The following GRK2 variants were observed in gnomAD, a reference collection of about 807,000 sequenced individuals.
The protein encoded by GRK2 is adrenergic beta receptor kinase 1.
GRK2 carries 23 observed loss-of-function variants against 97.8 expected under a neutral mutation model. The ratio of observed to expected loss-of-function variants is 0.24; its 90% CI spans 0.17 to 0.33. GRK2 has a LOEUF of 0.33. Ranked by LOEUF, GRK2 falls within the 10% of genes least tolerant of loss-of-function variation. The pLI, the probability that GRK2 is intolerant of heterozygous loss-of-function variation, is 1.00. For synonymous variants in GRK2, 425 were observed against 381.7 expected, an observed-to-expected ratio of 1.11 and a Z score of -1.32; for missense variants, 633 against 956.9, an observed-to-expected ratio of 0.66 and a Z score of 4.47.
rs1158177941 is a variant in GRK2, at chr11:67,269,832, A to G, written c.113+3020A>G. On this transcript the variant is annotated intron_variant, in intron 1 of 20. Coordinates refer to ENST00000308595, the MANE Select transcript of GRK2 (RefSeq NM_001619.5). This position sits in a 1 kb window ranked among gnomAD's most constrained non-coding sequence, Gnocchi z 4.1. Reference sequence around the variant, plus strand: ...GTCTTGGCCAAGAACTGGGGCTGGCATCACAGCTCTGAGTTCCAAAGGCTA... The same window carrying G: ...GTCTTGGCCAAGAACTGGGGCTGGCGTCACAGCTCTGAGTTCCAAAGGCTA... 2.0e-5 allele frequency among the ~76,000 whole-genome samples: 3 copies of G among 152,242 alleles called. No homozygotes were observed. Among genetic ancestry groups the G allele is most frequent in the Non-Finnish European group, 4.4e-5 (3 of 68,042 alleles).
Position 67,281,513 on chromosome 11 carries a change from C to A in GRK2, c.702C>A (p.Thr234=), listed in dbSNP as rs1860150577. The A allele has an allele frequency of 6.2e-7, 1 of 1,613,580 alleles. No homozygotes were observed. Among genetic ancestry groups the A allele is most frequent in the Non-Finnish European group, 8.5e-7 (1 of 1,179,968 alleles). The stretch of plus-strand genomic sequence containing the variant: ...GCATCAAGATGAAGCAGGGGGAGAC[C>A]CTGGCCCTGAACGAGCGCATCATGC... ...KKRIKMKQGE[T]LALNERIMLS... The change falls in exon 9 of 21, where the codon ACC becomes ACA. Residue 234 remains threonine, a synonymous_variant. Transcript: ENST00000308595. The surrounding 1 kb of genome is among the most constrained non-coding windows in gnomAD (Gnocchi z 5.7).
chr11:67,277,391 T>G (rs757736558), intron 2 of GRK2, 43 bp downstream of exon 2: 6 of 1,574,744 alleles, frequency 3.8e-6, no homozygotes, highest in Non-Finnish European at 3.5e-6. Context: ...ACTTAACTTC[T>G]TGCCCCTACC....
At chr11:67,280,532 G>A in intron 6 of GRK2, 200 bp from the exon 7 acceptor site, 3 of 630,644 alleles carry the variant, frequency 4.8e-6, no homozygotes, top group Non-Finnish European at 5.6e-6. Flanking sequence ...GCCATGCTGG[G>A]CACCCAAGCA....
In GRK2 at chr11:67,279,180, C is replaced by T. The variant is rs1214587055; in HGVS notation, c.191-20C>T. ...CTCTGAGAGAGGCGTGGCTCTGTGA[C>T]CTTACACTGTTGCCTTCAGGGTACC... On this transcript the variant is annotated intron_variant, in intron 2 of 20. Transcript: ENST00000308595. 1.2e-6 allele frequency: 2 copies of T among 1,608,556 alleles called. No homozygotes were observed. Among genetic ancestry groups the T allele is most frequent in the South Asian group, 1.1e-5 (1 of 90,940 alleles).
At chr11:67,272,838 T>TGCTCG (rs1426458062) in intron 1 of GRK2, among the ~76,000 whole-genome samples, 20 of 152,354 alleles carry the variant, frequency 1.3e-4, no homozygotes, top group African/African-American at 4.6e-4. Context: ...AGTCCCACCC[T>TGCTCG]GCTCGGCTCA....
Position 67,282,037 on chromosome 11 carries a change from G to A in GRK2, c.957+85G>A, listed in dbSNP as rs1026119071. On this transcript the variant is annotated intron_variant, in intron 11 of 20. Coordinates refer to ENST00000308595, the MANE Select transcript of GRK2 (RefSeq NM_001619.5). The surrounding 1 kb of genome is among the most constrained non-coding windows in gnomAD (Gnocchi z 6.9). ...CATCCCGGCCACCAGGCCCAGAGGAGTGGGGCTCCTGGGACATGGCCGCCC... is the reference window on the plus strand; with the variant it reads ...CATCCCGGCCACCAGGCCCAGAGGAATGGGGCTCCTGGGACATGGCCGCCC... 36 of 1,570,186 alleles carry A rather than the reference G, an allele frequency of 2.3e-5. No individual in the cohort carries two copies. The highest frequency in any genetic ancestry group is 3.1e-5 in the Non-Finnish European group (36 of 1,149,452).
rs997501912 is a variant in GRK2, at chr11:67,279,611, C to G, written c.367-15C>G. On this transcript the variant is annotated splice_polypyrimidine_tract_variant and intron_variant, in intron 4 of 20. Transcript: ENST00000308595. ...GACCCTGCTGAGAATTCATGGCCAC[C>G]TCTGTCTTCCCCAGCCCTTCTCGAA... is the stretch of plus-strand genomic sequence containing the variant. The G allele has an allele frequency of 6.2e-7, 1 of 1,613,306 alleles. No individual in the cohort carries two copies. Among genetic ancestry groups the G allele is most frequent in the East Asian group, 2.2e-5 (1 of 44,876 alleles).
At chr11:67,283,815 AC>A (rs1415246180) in intron 16 of GRK2, 38 bp from the exon 17 acceptor site, 1 of 1,611,640 alleles carries the variant, frequency 6.2e-7, no homozygotes, top group Admixed American at 1.7e-5. Context: ...CTGCAGCCCC[AC>A]CCCCGAGCTA....
In GRK2 at chr11:67,285,105, T is replaced by G. The variant is rs1860244092; in HGVS notation, c.1822T>G (p.Ser608Ala). 1 of 1,613,238 alleles carries G rather than the reference T, an allele frequency of 6.2e-7. No homozygotes were observed. Among genetic ancestry groups the G allele is most frequent in the Non-Finnish European group, 8.5e-7 (1 of 1,179,934 alleles). ...QSLLTMEEIQ[S>A]VEETQIKERK... is the part of the protein sequence containing the mutation. The stretch of plus-strand genomic sequence containing the variant: ...CCTGCTGACCATGGAGGAGATCCAG[T>G]CGGTGGAGGAGACGCAGATCAAGGA... The change falls in exon 20 of 21, where the codon TCG (serine) becomes GCG (alanine). Residue 608 changes from serine to alanine, a missense_variant. Transcript: ENST00000308595.
intron 1 of GRK2, among the ~76,000 whole-genome samples, chr11:67,272,000 G>A (rs61759812): frequency 1.3e-5 from 2 of 152,186 alleles, no homozygotes; most frequent in East Asian, 1.9e-4. Flanking sequence ...CAGAGTGGCC[G>A]CACCAGACCT....
In GRK2 at chr11:67,281,229, C is replaced by A; in HGVS notation, c.647+45C>A. 6.5e-7 allele frequency: 1 copy of A among 1,546,018 alleles called. No individual in the cohort carries two copies. The highest frequency in any genetic ancestry group is 8.9e-7 in the Non-Finnish European group (1 of 1,125,690). On this transcript the variant is annotated intron_variant, in intron 8 of 20. Coordinates refer to ENST00000308595, the MANE Select transcript of GRK2 (RefSeq NM_001619.5). This position sits in a 1 kb window ranked among gnomAD's most constrained non-coding sequence, Gnocchi z 5.7. ...CGGTGGGATACCTCGGGGAGCCGGG[C>A]TCCTGGGGGACCCTGACAGGCCGGG...
rs377579068 is a variant in GRK2, at chr11:67,281,214, C to A, written c.647+30C>A. On this transcript the variant is annotated intron_variant, in intron 8 of 20. Coordinates refer to ENST00000308595, the MANE Select transcript of GRK2 (RefSeq NM_001619.5). The surrounding 1 kb of genome is among the most constrained non-coding windows in gnomAD (Gnocchi z 5.7). The stretch of plus-strand genomic sequence containing the variant: ...GCACCCTGCTCGGCGCGGTGGGATA[C>A]CTCGGGGAGCCGGGCTCCTGGGGGA... The A allele has an allele frequency of 8.5e-5, 135 of 1,585,244 alleles. No individual in the cohort carries two copies. In the African/African-American group the frequency reaches 1.5e-3, roughly 17 times the overall value.
chr11:67,279,272 A>T lies in GRK2; in HGVS notation c.263A>T (p.Glu88Val). ...AGGCCCTTGGTGGAATTCTATGAGG[A>T]GGTGAGACCCAGAGGCCCAAGCCCT... ...EARPLVEFYE[E>V]IKKYEKLETE... is the part of the protein sequence containing the mutation. The change falls in exon 3 of 21, where the codon GAG becomes GTG. Residue 88 changes from glutamate to valine, a missense_variant and splice_region_variant. Coordinates refer to ENST00000308595, the MANE Select transcript of GRK2 (RefSeq NM_001619.5). The T allele has an allele frequency of 6.2e-7, 1 of 1,613,454 alleles. No homozygotes were observed.
chr11:67,282,132 C>G lies in GRK2; in HGVS notation c.958-139C>G. 1 of 1,202,708 alleles carries G rather than the reference C, an allele frequency of 8.3e-7. No individual in the cohort carries two copies. The highest frequency in any genetic ancestry group is 1.2e-6 in the Non-Finnish European group (1 of 840,910). 74.5% of individuals were successfully genotyped at this position (1,202,708 alleles called of 1,614,324 possible). ...TCTGGGTCCAGGTTGTAGCTGGGGA[C>G]AGGAGAGAGGACCCCCACCTTTGCC... On this transcript the variant is annotated intron_variant, in intron 11 of 20. Transcript: ENST00000308595. The surrounding 1 kb of genome is among the most constrained non-coding windows in gnomAD (Gnocchi z 6.9).
At chr11:67,283,012 A>G (rs932679548) in intron 14 of GRK2, 116 bp from the exon 15 acceptor site, 2 of 1,217,138 alleles carry the variant, frequency 1.6e-6, no homozygotes, top group Admixed American at 3.4e-5. Flanking sequence ...TGGGCGAGCT[A>G]GGATGCTGTG....
At chr11:67,268,988 G>T (rs533130684) in intron 1 of GRK2, among the ~76,000 whole-genome samples, 1 of 152,384 alleles carries the variant, frequency 6.6e-6, no homozygotes, top group East Asian at 1.9e-4. Context: ...GTCACCATCA[G>T]CAGCATGGCC....
chr11:67,279,728 C>A (rs937700207), intron 5 of GRK2, 28 bp downstream of exon 5: 1 of 1,613,590 alleles, frequency 6.2e-7, no homozygotes, highest in African/African-American at 1.3e-5. Flanking sequence ...CCTCCCCAGG[C>A]AAGGTCACCT....
rs1301414259 is a variant in GRK2 at position 67,266,675 on chromosome 11, G to T, written c.-25G>T. ...GAGCGGCGGCGGCGGCGGCGGCGGC[G>T]GGAGGAGGCAGCGCCGCCGCCAAGA... On this transcript the variant is annotated 5_prime_UTR_variant, in exon 1 of 21. Coordinates refer to ENST00000308595, the MANE Select transcript of GRK2 (RefSeq NM_001619.5). 8 of 1,085,066 alleles carry T rather than the reference G, an allele frequency of 7.4e-6. No homozygotes were observed. The highest frequency in any genetic ancestry group is 1.7e-5 in the African/African-American group (1 of 58,702). The allele number at this position is 1,085,066 out of a possible 1,614,324, so 67.2% of individuals were successfully genotyped here.
chr11:67,285,821 G>A lies in GRK2; in HGVS notation c.*371G>A. 1 of 277,086 alleles carries A rather than the reference G, an allele frequency of 3.6e-6. No individual in the cohort carries two copies. Among genetic ancestry groups the A allele is most frequent in the Non-Finnish European group, 6.8e-6 (1 of 146,040 alleles). 17.2% of individuals were successfully genotyped at this position (277,086 alleles called of 1,614,324 possible). A position where few individuals can be genotyped will look rare whatever the true frequency, so the allele number is the denominator to read the frequency against. ...GGCCCATCCCCCCTCACCAGGGGCAGGCACAGCACAGGGATCCGACTTGAA... is the reference window on the plus strand; with the variant it reads ...GGCCCATCCCCCCTCACCAGGGGCAAGCACAGCACAGGGATCCGACTTGAA... On this transcript the variant is annotated 3_prime_UTR_variant, in exon 21 of 21. Coordinates refer to ENST00000308595, the MANE Select transcript of GRK2 (RefSeq NM_001619.5).
Sources: allele counts gnomAD v4.1 joint callset (sites outside exome capture counted in the v4.1 genomes callset), GRCh38; gene constraint gnomAD v4.1.1; non-coding constraint Gnocchi (gnomAD v3.1); transcripts MANE v1.5; gene names NCBI Gene and HGNC (gene_info 2026-07-23, HGNC 2026-07-21).